The following SUMF2 variants were observed in gnomAD, a reference collection of about 807,000 sequenced individuals.
SUMF2 encodes inactive C-alpha-formylglycine-generating enzyme 2.
SUMF2 carries 45 observed loss-of-function variants against 44.8 expected under a neutral mutation model. The observed-to-expected ratio is 1.00, with a 90% CI of 0.79 to 1.29. SUMF2 has a LOEUF of 1.29. Among genes scored for constraint, SUMF2 ranks in the 50% most tolerant of loss-of-function variants. The probability of loss-of-function intolerance (pLI) is 0.00; values close to 1 mark genes in which losing one functional copy is unlikely to be tolerated. For missense variants in SUMF2, 418 were observed against 389.9 expected (o/e 1.07, Z -0.61); for synonymous variants, 148 against 150.4 (o/e 0.98, Z 0.12).
At position 56,079,525 on chromosome 7, in the gene SUMF2, C is replaced by T; in HGVS notation, c.822-3C>T. The stretch of plus-strand genomic sequence containing the variant: ...TGTCCTCTCTCCCCTTCTCTGCTGG[C>T]AGGATGGGCAACACTCCAGATTCAG... On this transcript the variant is annotated splice_region_variant and splice_polypyrimidine_tract_variant and intron_variant, in intron 8 of 8. Coordinates refer to ENST00000434526, the MANE Select transcript of SUMF2 (RefSeq NM_015411.4). 6.2e-7 allele frequency: 1 copy of T among 1,610,312 alleles called. No individual in the cohort carries two copies. The highest frequency in any genetic ancestry group is 8.5e-7 in the Non-Finnish European group (1 of 1,177,312).
At chr7:56,066,780 T>C (rs1349560061) in intron 1 of SUMF2, among the ~76,000 whole-genome samples, 2 of 152,296 alleles carry the variant, frequency 1.3e-5, no homozygotes, top group Non-Finnish European at 2.9e-5. Flanking sequence ...ACACCACGCC[T>C]GGCTGATTTT....
At chr7:56,081,874 A>G (rs751734916), downstream of SUMF2, 6 of 1,612,802 alleles carry the variant, frequency 3.7e-6, no homozygotes, top group South Asian at 6.6e-5. The surrounding 1 kb of genome is among the most constrained non-coding windows in gnomAD (Gnocchi z 4.6). Flanking sequence ...CCCAGGAGCC[A>G]GTTGGCCTGG....
At chr7:56,077,619 C>G (rs1795651150) in intron 6 of SUMF2, among the ~76,000 whole-genome samples, 1 of 150,904 alleles carries the variant, frequency 6.6e-6, no homozygotes, top group African/African-American at 2.4e-5. Context: ...CCACTGTACT[C>G]TAGCCTTGGC....
At chr7:56,073,157 G>A (rs1795291035) in intron 3 of SUMF2, 46 bp downstream of exon 3, 1 of 1,474,586 alleles carries the variant, frequency 6.8e-7, no homozygotes, top group Admixed American at 1.7e-5. Flanking sequence ...AGTGGGACCT[G>A]GACAGGGAAT....
downstream of SUMF2, chr7:56,081,680 G>GC: frequency 6.2e-7 from 1 of 1,613,922 alleles, no homozygotes; most frequent in Non-Finnish European, 8.5e-7. The surrounding 1 kb of genome is among the most constrained non-coding windows in gnomAD (Gnocchi z 4.6). Flanking sequence ...ACCAAGTACT[G>GC]CTGGAAGAAG....
intron 1 of SUMF2, among the ~76,000 whole-genome samples, chr7:56,066,358 A>C (rs184432331): frequency 6.6e-6 from 1 of 152,348 alleles, no homozygotes; most frequent in Non-Finnish European, 1.5e-5. Flanking sequence ...TCTCCTGCTA[A>C]CCAGCTCTTT....
Position 56,076,850 on chromosome 7 carries a change from G to T in SUMF2, c.552G>T (p.Trp184Cys). Reference sequence around the variant, plus strand: ...TCCTCGCAGGTCAAGTTTACCCATGGGGGAACTGGTTCCAGCCAAACCGCA... The same window carrying T: ...TCCTCGCAGGTCAAGTTTACCCATGTGGGAACTGGTTCCAGCCAAACCGCA... ...RGGLKGQVYP[W>C]GNWFQPNRTN... is the part of the protein sequence containing the mutation. Residue 184 changes from tryptophan to cysteine, a missense_variant, in exon 6 of 9, where the codon TGG becomes TGT. Physicochemically the swap from Trp to Cys is radical, Grantham distance 215. Transcript: ENST00000434526. The T allele has an allele frequency of 6.2e-7, 1 of 1,601,408 alleles. No homozygotes were observed. The highest frequency in any genetic ancestry group is 8.5e-7 in the Non-Finnish European group (1 of 1,173,726).
At position 56,079,604 on chromosome 7, in the gene SUMF2, G is replaced by T; in HGVS notation, c.898G>T (p.Glu300Ter). ...CAADAGRPPGEL is the reference protein window; with the variant it reads ...CAADAGRPPG The stretch of plus-strand genomic sequence containing the variant: ...TGCAGACGCAGGCCGGCCGCCAGGG[G>T]AGCTGTAAGCAGCCGGGTGGTGACA... Residue 300 changes from glutamate (E) to a stop codon, truncating the protein, a stop_gained, in exon 9 of 9, where the codon GAG becomes TAG. Coordinates refer to ENST00000434526, the MANE Select transcript of SUMF2 (RefSeq NM_015411.4). LOFTEE classifies it high-confidence loss of function. 6.2e-7 allele frequency: 1 copy of T among 1,614,230 alleles called. No homozygotes were observed. The highest frequency in any genetic ancestry group is 8.5e-7 in the Non-Finnish European group (1 of 1,180,048).
chr7:56,078,467 A>G lies in SUMF2; in HGVS notation c.780A>G (p.Thr260=). The G allele has an allele frequency of 1.9e-6, 3 of 1,599,816 alleles. No homozygotes were observed. Among genetic ancestry groups the G allele is most frequent in the Non-Finnish European group, 2.6e-6 (3 of 1,172,238 alleles). ...RVLRGASWID[T]ADGSANHRAR... Reference sequence around the variant, plus strand: ...TCCGGGGGGCATCCTGGATCGACACAGCTGATGGCTCTGCCAATCACCGGG... The same window carrying G: ...TCCGGGGGGCATCCTGGATCGACACGGCTGATGGCTCTGCCAATCACCGGG... The change falls in exon 8 of 9, where the codon ACA becomes ACG. Residue 260 remains threonine, a synonymous_variant. Coordinates refer to ENST00000434526, the MANE Select transcript of SUMF2 (RefSeq NM_015411.4).
chr7:56,078,896 A>G (rs1355985298), intron 8 of SUMF2: 7 of 483,084 alleles, frequency 1.4e-5, no homozygotes, highest in Non-Finnish European at 2.6e-5. Flanking sequence ...TGGGCACACG[A>G]AAAATCTTTT....
chr7:56,078,172 C>T lies in SUMF2; in HGVS notation c.662C>T (p.Ala221Val), dbSNP rs763823564. ...GTCTCCCCAGTGAATGCTTTCCCCG[C>T]CCAGAACAACTACGGTAAGAGCTGT... ...HGVSPVNAFP[A>V]QNNYGLYDLL... Residue 221 changes from alanine (A) to valine (V), a missense_variant, in exon 7 of 9, where the codon GCC (alanine) becomes GTC (valine). By Grantham distance (64) the Ala-to-Val change is moderately conservative. Transcript: ENST00000434526. 6.2e-7 allele frequency: 1 copy of T among 1,611,828 alleles called. No individual in the cohort carries two copies. Among genetic ancestry groups the T allele is most frequent in the Non-Finnish European group, 8.5e-7 (1 of 1,178,140 alleles).
downstream of SUMF2, among the ~76,000 whole-genome samples, chr7:56,082,409 A>G (rs529516380): frequency 2.0e-5 from 3 of 152,232 alleles, no homozygotes; most frequent in South Asian, 4.1e-4. Flanking sequence ...CCTGGCCAAC[A>G]TGGCGAAACT....
In SUMF2 at chr7:56,079,986, A is replaced by C; in HGVS notation, c.*374A>C. 3.8e-6 allele frequency: 4 copies of C among 1,045,532 alleles called. No individual in the cohort carries two copies. Among genetic ancestry groups the C allele is most frequent in the Non-Finnish European group, 5.4e-6 (4 of 734,222 alleles). 64.8% of individuals were successfully genotyped at this position (1,045,532 alleles called of 1,614,324 possible). ...TCCCTGGATGATTCAGGAAGCTGACATTGTTTCCTCAAGGCAGAATTTTCC... is the reference window on the plus strand; with the variant it reads ...TCCCTGGATGATTCAGGAAGCTGACCTTGTTTCCTCAAGGCAGAATTTTCC... On this transcript the variant is annotated 3_prime_UTR_variant, in exon 9 of 9. Coordinates refer to ENST00000434526, the MANE Select transcript of SUMF2 (RefSeq NM_015411.4).
intron 5 of SUMF2, among the ~76,000 whole-genome samples, chr7:56,076,228 G>A (rs981123326): frequency 7.9e-5 from 12 of 151,992 alleles, no homozygotes; most frequent in African/African-American, 9.7e-5. Context: ...GGGTTTCACC[G>A]TGTTAGCCAG....
intron 4 of SUMF2, 41 bp from the exon 5 acceptor site, chr7:56,074,545 T>TAA: frequency 6.2e-7 from 1 of 1,606,640 alleles, no homozygotes; most frequent in Non-Finnish European, 8.5e-7. Context: ...TCCGACTTAA[T>TAA]GCGCTCCCGG....
downstream of SUMF2, chr7:56,082,320 C>A: frequency 7.9e-7 from 1 of 1,262,634 alleles, no homozygotes. Flanking sequence ...AGGCTGGCCG[C>A]AGTGGCTCAT....
At chr7:56,079,442 C>A in intron 8 of SUMF2, 86 bp from the exon 9 acceptor site, 1 of 1,346,134 alleles carries the variant, frequency 7.4e-7, no homozygotes, top group Non-Finnish European at 1.0e-6. Context: ...TCATGGCCGG[C>A]CCTGCGGATG....
Position 56,068,592 on chromosome 7 carries a change from A to C in SUMF2, c.178A>C (p.Lys60Gln), listed in dbSNP as rs1794963889. ...GDGPVREATV[K>Q]PFAIDIFPVT... ...CGGGCCTGTGCGGGAGGCGACAGTGAAACCCTTTGCCATCGACATATTTCC... is the reference window on the plus strand; with the variant it reads ...CGGGCCTGTGCGGGAGGCGACAGTGCAACCCTTTGCCATCGACATATTTCC... Residue 60 changes from lysine to glutamine, a missense_variant, in exon 2 of 9, where the codon AAA becomes CAA. Transcript: ENST00000434526. 7.4e-6 allele frequency: 12 copies of C among 1,613,926 alleles called. No individual in the cohort carries two copies. Among genetic ancestry groups the C allele is most frequent in the Non-Finnish European group, 1.0e-5 (12 of 1,179,928 alleles).
chr7:56,076,057 C>A (rs1193872617), intron 5 of SUMF2, among the ~76,000 whole-genome samples: 16 of 128,004 alleles, frequency 1.2e-4, no homozygotes, highest in Middle Eastern at 6.4e-3. Context: ...GACAGAGTGT[C>A]GCTGTGTCGC....
Sources: gnomAD v4.1 joint callset for allele counts (sites outside exome capture counted in the v4.1 genomes callset) on GRCh38, gnomAD v4.1.1 for gene constraint, Gnocchi (gnomAD v3.1) non-coding constraint, MANE v1.5 for transcripts, NCBI Gene and HGNC (gene_info 2026-07-23, HGNC 2026-07-21) for gene names.